The following WDFY3 variants were observed in gnomAD, a reference collection of about 807,000 sequenced individuals.
The protein encoded by WDFY3 is WD repeat and FYVE domain-containing protein 3.
In WDFY3, 66 loss-of-function variants were observed where a neutral mutation model predicts 409.6. That is an observed-to-expected ratio of 0.16 (90% CI 0.13 to 0.20). The LOEUF is 0.20. Among genes scored for constraint, WDFY3 ranks in the 10% least tolerant of loss-of-function variants. The probability of loss-of-function intolerance (pLI) is 1.00; values close to 1 mark genes in which losing one functional copy is unlikely to be tolerated. For missense variants in WDFY3, 3,031 were observed against 4,298.1 expected (o/e 0.71, Z 8.24); for synonymous variants, 1,521 against 1,537.1 (o/e 0.99, Z 0.25).
intron 34 of WDFY3, among the ~76,000 whole-genome samples, chr4:84,754,707 A>T (rs1741132303): frequency 6.6e-6 from 1 of 152,224 alleles, no homozygotes; most frequent in African/African-American, 2.4e-5. Flanking sequence ...AGCAGAACAA[A>T]AGCAAAAACA....
At chr4:84,817,366 A>C (rs1345772631) in intron 13 of WDFY3, 26 bp downstream of exon 13, 1 of 1,611,800 alleles carries the variant, frequency 6.2e-7, no homozygotes, top group Non-Finnish European at 8.5e-7. Flanking sequence ...GTAGTAAAAG[A>C]AGGGAAACAC....
At chr4:84,927,961 C>T (rs1176562342) in intron 2 of WDFY3, among the ~76,000 whole-genome samples, 1 of 152,158 alleles carries the variant, frequency 6.6e-6, no homozygotes, top group Non-Finnish European at 1.5e-5. Flanking sequence ...AAAGACAAAA[C>T]CAGGTGGTAT....
chr4:84,865,046 G>A (rs1016148731), intron 3 of WDFY3, among the ~76,000 whole-genome samples: 1 of 151,872 alleles, frequency 6.6e-6, no homozygotes, highest in African/African-American at 2.4e-5. Flanking sequence ...GCACCACCAT[G>A]CCTGTCTAAT....
intron 50 of WDFY3, among the ~76,000 whole-genome samples, chr4:84,714,273 C>G (rs1733454557): frequency 6.6e-6 from 1 of 152,102 alleles, no homozygotes; most frequent in African/African-American, 2.4e-5. Context: ...CCATGCCCGG[C>G]TAATTATTTT....
At chr4:84,675,554 A>C (rs1726128667) in intron 67 of WDFY3, among the ~76,000 whole-genome samples, 1 of 152,236 alleles carries the variant, frequency 6.6e-6, no homozygotes, top group South Asian at 2.1e-4. Context: ...ACCAAAGCTC[A>C]GAGAGGCTCG....
intron 13 of WDFY3, among the ~76,000 whole-genome samples, chr4:84,812,545 AC>A: frequency 6.6e-6 from 1 of 152,268 alleles, no homozygotes; most frequent in East Asian, 1.9e-4. Context: ...ACATGTAAGA[AC>A]CCTTAGAGAA....
At chr4:84,889,332 T>C (rs76461588) in intron 3 of WDFY3, among the ~76,000 whole-genome samples, 2 of 152,310 alleles carry the variant, frequency 1.3e-5, no homozygotes, top group Non-Finnish European at 2.9e-5. Flanking sequence ...TGCATGATAT[T>C]ACACATCTGC....
chr4:84,779,752 A>T (rs1230044006), intron 26 of WDFY3, among the ~76,000 whole-genome samples: 1 of 152,188 alleles, frequency 6.6e-6, no homozygotes, highest in Non-Finnish European at 1.5e-5. Flanking sequence ...CCTTTCAGGA[A>T]GGGGGAATAG....
intron 3 of WDFY3, among the ~76,000 whole-genome samples, chr4:84,870,352 A>G (rs866158981): frequency 4.6e-5 from 7 of 152,200 alleles, no homozygotes; most frequent in African/African-American, 1.7e-4. Context: ...AACAAACCCC[A>G]GAAATCCAGA....
At chr4:84,784,869 TATATATATATATATATATATATAC>T (rs1272142235) in intron 24 of WDFY3, among the ~76,000 whole-genome samples, 6 of 61,644 alleles carry the variant, frequency 9.7e-5, no homozygotes, top group Admixed American at 1.6e-4. Context: ...TATATATATA[TATATATATATATATATATATATAC>T]ACACACACAC....
chr4:84,694,921 T>C (rs1729846006), intron 58 of WDFY3, among the ~76,000 whole-genome samples: 1 of 152,110 alleles, frequency 6.6e-6, no homozygotes, highest in Non-Finnish European at 1.5e-5. Flanking sequence ...AGATGAGCCA[T>C]TGTTTTGTGT....
intron 3 of WDFY3, among the ~76,000 whole-genome samples, chr4:84,862,295 T>C (rs917863952): frequency 2.0e-5 from 3 of 152,176 alleles, no homozygotes; most frequent in Non-Finnish European, 4.4e-5. Context: ...GAATAACTAC[T>C]GTGCAGAGAG....
intron 65 of WDFY3, 109 bp downstream of exon 65, chr4:84,678,810 G>T: frequency 8.2e-7 from 1 of 1,225,390 alleles, no homozygotes; most frequent in Non-Finnish European, 1.1e-6. Flanking sequence ...CCCAGCTCAC[G>T]GGGCACATCC....
chr4:84,705,476 G>C lies in WDFY3; in HGVS notation c.8253C>G (p.Asn2751Lys). The change falls in exon 54 of 68, where the codon AAC (asparagine) becomes AAG (lysine). Residue 2751 changes from asparagine (N) to lysine (K), a missense_variant. Asn to Lys is a moderately conservative substitution (Grantham distance 94, BLOSUM62 0). Around this residue, in one of 16 missense-constraint regions of WDFY3, gnomAD observed 129 missense variants for 305.3 expected, o/e 0.42. Transcript: ENST00000295888. ...VDLTNPKTFR[N>K]LAKPMGAQTD... ...TTTGTGCTCCCATTGGCTTAGCCAG[G>C]TTTCTAAACGTCTTGGGATTAGTAA... is the stretch of plus-strand genomic sequence containing the variant. The C allele has an allele frequency of 6.2e-7, 1 of 1,613,984 alleles. No individual in the cohort carries two copies. The highest frequency in any genetic ancestry group is 8.5e-7 in the Non-Finnish European group (1 of 1,179,962).
chr4:84,781,744 T>C (rs1746557811), intron 25 of WDFY3, among the ~76,000 whole-genome samples: 1 of 152,192 alleles, frequency 6.6e-6, no homozygotes, highest in Non-Finnish European at 1.5e-5. Flanking sequence ...CTTTCCACTA[T>C]ACCACAGGGC....
Position 84,672,869 on chromosome 4 carries a change from C to T in WDFY3, c.10580G>A (p.Ter3527=). The T allele has an allele frequency of 6.2e-7, 1 of 1,612,440 alleles. No homozygotes were observed. The highest frequency in any genetic ancestry group is 8.5e-7 in the Non-Finnish European group (1 of 1,179,072). The part of the protein sequence containing the change: ...RGSEDGPRNC[*] ...GTCTCCACTCAGCTTGTTGAATCTT[C>T]AACAATTTCGAGGCCCATCTTCTGA... The change falls in exon 68 of 68, where the codon TGA becomes TAA. Residue 3527 remains the stop codon, a stop_retained_variant. Transcript: ENST00000295888.
chr4:84,823,384 G>C (rs1754374240), intron 10 of WDFY3, among the ~76,000 whole-genome samples: 1 of 152,004 alleles, frequency 6.6e-6, no homozygotes. Context: ...TTGTGAATCT[G>C]AAGTAAAGAT....
intron 25 of WDFY3, 51 bp downstream of exon 25, chr4:84,782,912 A>C: frequency 1.3e-6 from 2 of 1,580,798 alleles, no homozygotes; most frequent in Non-Finnish European, 1.7e-6. Flanking sequence ...AGTGAATGCA[A>C]ACTTGATGGC....
intron 51 of WDFY3, among the ~76,000 whole-genome samples, chr4:84,710,738 C>G (rs1732745808): frequency 6.6e-6 from 1 of 152,164 alleles, no homozygotes; most frequent in Non-Finnish European, 1.5e-5. Context: ...TCTTTAAGAA[C>G]TGCCAACTCA....
Sources: gnomAD v4.1 joint callset for allele counts (sites outside exome capture counted in the v4.1 genomes callset) on GRCh38, gnomAD v4.1.1 for gene constraint, gnomAD v4.1.1 regional missense constraint, MANE v1.5 for transcripts, NCBI Gene and HGNC (gene_info 2026-07-23, HGNC 2026-07-21) for gene names.